The following PIAS1 variants were observed in gnomAD, a reference collection of about 807,000 sequenced individuals.
PIAS1 encodes the protein E3 SUMO-protein ligase PIAS1.
A neutral mutation model predicts 71.3 loss-of-function variants in PIAS1; 6 were observed. The observed-to-expected ratio is 0.08, with a 90% CI of 0.05 to 0.17. The LOEUF is 0.17. Among genes scored for constraint, PIAS1 ranks in the 10% least tolerant of loss-of-function variants. The probability of loss-of-function intolerance (pLI) is 1.00; values close to 1 mark genes in which losing one functional copy is unlikely to be tolerated. For synonymous variants in PIAS1, 303 were observed against 292.9 expected (o/e 1.03, Z -0.35); for missense variants, 555 against 793.6 (o/e 0.70, Z 3.61).
At chr15:68,177,342 G>A (rs946068447) in intron 11 of PIAS1, among the ~76,000 whole-genome samples, 1 of 151,324 alleles carries the variant, frequency 6.6e-6, no homozygotes, top group South Asian at 2.1e-4. Context: ...AGGTGATCCT[G>A]CTCCTGCTCA....
chr15:68,100,380 C>T (rs890621891), intron 2 of PIAS1, among the ~76,000 whole-genome samples: 12 of 152,298 alleles, frequency 7.9e-5, no homozygotes, highest in African/African-American at 2.4e-4. Context: ...TGTCCTGTCA[C>T]CCACAAGACT....
At chr15:68,141,395 G>A (rs902770011) in intron 2 of PIAS1, among the ~76,000 whole-genome samples, 7 of 151,854 alleles carry the variant, frequency 4.6e-5, no homozygotes, top group Non-Finnish European at 8.8e-5. Context: ...CTTTGAGTTA[G>A]TGACAATAAG....
chr15:68,170,941 A>G (rs1275527839), intron 8 of PIAS1, among the ~76,000 whole-genome samples: 2 of 152,056 alleles, frequency 1.3e-5, no homozygotes, highest in Non-Finnish European at 2.9e-5. Context: ...ACACCTGGCC[A>G]CTGTAACTTT....
intron 2 of PIAS1, among the ~76,000 whole-genome samples, chr15:68,090,522 T>A (rs914251171): frequency 5.3e-5 from 8 of 150,378 alleles, no homozygotes; most frequent in African/African-American, 1.9e-4. Flanking sequence ...AATAGCTAGA[T>A]ATGAACCTGT....
rs1156768479 is a variant in PIAS1 at position 68,171,142 on chromosome 15, CAA to C, written c.1009-2588_1009-2587del. Among the ~76,000 whole-genome samples, 1 of 151,040 alleles carries C rather than the reference CAA, an allele frequency of 6.6e-6. No individual in the cohort carries two copies. Among genetic ancestry groups the C allele is most frequent in the African/African-American group, 2.4e-5 (1 of 41,078 alleles). On this transcript the variant is annotated intron_variant, in intron 8 of 13. Coordinates refer to ENST00000249636, the MANE Select transcript of PIAS1 (RefSeq NM_016166.3). This position sits in a 1 kb window ranked among gnomAD's most constrained non-coding sequence, Gnocchi z 4.4. ...ACTTTTTAAACTTTTTTGTTAAAAA[CAA>C]AGACACAAACACACATTAGCCTAGG...
chr15:68,074,390 A>G (rs1313981611), intron 1 of PIAS1, among the ~76,000 whole-genome samples: 1 of 152,052 alleles, frequency 6.6e-6, no homozygotes, highest in Admixed American at 6.6e-5. Context: ...TGGAGGCTTG[A>G]TCTGCTGGGC....
chr15:68,119,408 G>GCACT (rs1226704219), intron 2 of PIAS1, among the ~76,000 whole-genome samples: 1 of 151,648 alleles, frequency 6.6e-6, no homozygotes, highest in East Asian at 1.9e-4. Flanking sequence ...TCATGCCACT[G>GCACT]CACTCCAGCC....
intron 1 of PIAS1, chr15:68,057,493 AGAG>A (rs2091909361): frequency 2.2e-6 from 1 of 444,884 alleles, no homozygotes; most frequent in African/African-American, 2.0e-5. Context: ...GAAGAGTGGG[AGAG>A]AAGAAGTCCA....
chr15:68,090,524 T>C (rs552013363), intron 2 of PIAS1, among the ~76,000 whole-genome samples: 1 of 150,382 alleles, frequency 6.6e-6, no homozygotes, highest in Non-Finnish European at 1.5e-5. Context: ...TAGCTAGATA[T>C]GAACCTGTTA....
At chr15:68,182,518 G>A (rs1026395648) in intron 12 of PIAS1, among the ~76,000 whole-genome samples, 4 of 11,568 alleles carry the variant, frequency 3.5e-4, no homozygotes, top group Admixed American at 9.2e-4. Context: ...TGTGTGTGTC[G>A]GAGTTTTGCT....
chr15:68,175,992 T>C (rs2093018102), intron 10 of PIAS1, among the ~76,000 whole-genome samples: 1 of 152,224 alleles, frequency 6.6e-6, no homozygotes, highest in Non-Finnish European at 1.5e-5. Flanking sequence ...AGTAATGTAA[T>C]ATAATTAGTC....
chr15:68,145,434 G>T (rs927442481), intron 4 of PIAS1, among the ~76,000 whole-genome samples: 1 of 152,114 alleles, frequency 6.6e-6, no homozygotes, highest in South Asian at 2.1e-4. Flanking sequence ...GCTCTGAAAA[G>T]TTCTGTATTA....
intron 4 of PIAS1, 27 bp downstream of exon 4, chr15:68,142,364 C>G (rs933616454): frequency 6.6e-7 from 1 of 1,514,086 alleles, no homozygotes; most frequent in Non-Finnish European, 9.2e-7. Context: ...AGGATATATT[C>G]AAAGTTTAAA....
rs2093052135 is a variant in PIAS1, at chr15:68,181,289, A to G, written c.1559A>G (p.Asn520Ser). Reference sequence around the variant, plus strand: ...CCTGCTGTAGACACAAGCTACATTAATACCTCCCTCATCCAAGACTATAGG... The same window carrying G: ...CCTGCTGTAGACACAAGCTACATTAGTACCTCCCTCATCCAAGACTATAGG... ...SLPAVDTSYI[N>S]TSLIQDYRHP... Residue 520 changes from asparagine (N) to serine (S), a missense_variant, in exon 12 of 14, where the codon AAT (asparagine) becomes AGT (serine). Physicochemically the swap from Asn to Ser is conservative, Grantham distance 46. Transcript: ENST00000249636. 1 of 1,613,612 alleles carries G rather than the reference A, an allele frequency of 6.2e-7. No homozygotes were observed.
chr15:68,108,077 T>C (rs2141006299), intron 2 of PIAS1, among the ~76,000 whole-genome samples: 1 of 152,292 alleles, frequency 6.6e-6, no homozygotes, highest in South Asian at 2.1e-4. Context: ...GATGCAGAGC[T>C]CAATGAACAT....
At chr15:68,058,460 C>T (rs2091920590) in intron 1 of PIAS1, among the ~76,000 whole-genome samples, 1 of 152,104 alleles carries the variant, frequency 6.6e-6, no homozygotes, top group Non-Finnish European at 1.5e-5. Flanking sequence ...ATTGCAAGGT[C>T]ATACAAATAA....
Position 68,092,260 on chromosome 15 carries a change from G to A in PIAS1, c.469+5510G>A, listed in dbSNP as rs968443181. Reference sequence around the variant, plus strand: ...ACATTCTTGGCTCACTGCAACCTCCGCTTCCTGGCTCAAGCGATCCTCCCA... The same window carrying A: ...ACATTCTTGGCTCACTGCAACCTCCACTTCCTGGCTCAAGCGATCCTCCCA... On this transcript the variant is annotated intron_variant, in intron 2 of 13. Coordinates refer to ENST00000249636, the MANE Select transcript of PIAS1 (RefSeq NM_016166.3). 9.9e-5 allele frequency among the ~76,000 whole-genome samples: 15 copies of A among 151,812 alleles called. No individual in the cohort carries two copies. In the East Asian group the frequency reaches 2.7e-3, roughly 28 times the overall value.
intron 6 of PIAS1, among the ~76,000 whole-genome samples, chr15:68,149,811 C>T (rs1275269157): frequency 6.6e-6 from 1 of 151,940 alleles, no homozygotes; most frequent in African/African-American, 2.4e-5. Context: ...TTATATTACC[C>T]TAATACTTTT....
chr15:68,164,701 C>CT, intron 7 of PIAS1, 30 bp from the exon 8 acceptor site: 5 of 1,365,724 alleles, frequency 3.7e-6, no homozygotes, highest in South Asian at 2.5e-5. Flanking sequence ...ACTCTGTTTG[C>CT]TTTTTTTCTT....
Sources: allele counts gnomAD v4.1 joint callset (sites outside exome capture counted in the v4.1 genomes callset), GRCh38; gene constraint gnomAD v4.1.1; non-coding constraint Gnocchi (gnomAD v3.1); transcripts MANE v1.5; gene names NCBI Gene and HGNC (gene_info 2026-07-23, HGNC 2026-07-21).